Variants in TFDP2 observed in about 807,000 individuals in gnomAD.
The protein encoded by TFDP2 is transcription factor Dp-2.
In TFDP2, 17 loss-of-function variants were observed where a neutral mutation model predicts 59.3. That is an observed-to-expected ratio of 0.29 (90% CI 0.20 to 0.43). The LOEUF is 0.43. Among genes scored for constraint, TFDP2 ranks in the 20% least tolerant of loss-of-function variants. The probability of loss-of-function intolerance (pLI) is 1.00; values close to 1 mark genes in which losing one functional copy is unlikely to be tolerated. For synonymous variants in TFDP2, 180 were observed against 194.7 expected, an observed-to-expected ratio of 0.92 and a Z score of 0.63; for missense variants, 391 against 528.8, an observed-to-expected ratio of 0.74 and a Z score of 2.56.
At chr3:141,972,296 G>A (rs9849260) in intron 8 of TFDP2, among the ~76,000 whole-genome samples, 22,520 of 152,096 alleles carry the variant, frequency 0.15, 1,759 homozygotes, top group African/African-American at 0.19. Context: ...TCTCATGGCC[G>A]CTGCCGTAAC....
At chr3:142,140,750 T>C (rs2062919013) in intron 1 of TFDP2, among the ~76,000 whole-genome samples, 1 of 152,176 alleles carries the variant, frequency 6.6e-6, no homozygotes, top group Non-Finnish European at 1.5e-5. Context: ...ATCCTTCCTC[T>C]GGAAGCTTCG....
At chr3:142,003,646 GA>G (rs1218609396) in intron 4 of TFDP2, among the ~76,000 whole-genome samples, 1 of 152,142 alleles carries the variant, frequency 6.6e-6, no homozygotes, top group Non-Finnish European at 1.5e-5. Context: ...ACTCAGAACT[GA>G]AAAAAGGACC....
intron 1 of TFDP2, chr3:142,126,171 TTTTTC>T (rs1238673139): frequency 1.8e-4 from 27 of 150,424 alleles, no homozygotes; most frequent in African/African-American, 6.6e-4. Flanking sequence ...TCCCAGAATT[TTTTTC>T]TTTTCTTTTT....
chr3:142,131,244 G>A lies in TFDP2; in HGVS notation c.-93+17939C>T, dbSNP rs561417220. Among the ~76,000 whole-genome samples, 85 of 149,934 alleles carry A rather than the reference G, an allele frequency of 5.7e-4. 3 individuals are homozygous for A. The highest frequency in any genetic ancestry group is 1.3e-3 in the Admixed American group (20 of 15,186). ...ATTAAAGAAAGGTAGTATTTAGCAG[G>A]AAGACACAAATAGACAAAAATAATC... On this transcript the variant is annotated intron_variant, in intron 1 of 12. Coordinates refer to ENST00000489671, the MANE Select transcript of TFDP2 (RefSeq NM_001178139.2).
chr3:141,998,044 T>TC (rs2108219133), intron 4 of TFDP2, among the ~76,000 whole-genome samples: 2 of 152,194 alleles, frequency 1.3e-5, no homozygotes, highest in East Asian at 3.9e-4. Context: ...AACACTCTGC[T>TC]CCTTTCTCTT....
intron 10 of TFDP2, among the ~76,000 whole-genome samples, chr3:141,961,532 C>T (rs1937363459): frequency 1.3e-5 from 2 of 152,090 alleles, no homozygotes; most frequent in African/African-American, 2.4e-5. Flanking sequence ...TGTGAGCCAC[C>T]GTGCCCGGCC....
chr3:142,064,361 C>CTGG (rs1299623674), intron 3 of TFDP2, among the ~76,000 whole-genome samples: 8 of 152,134 alleles, frequency 5.3e-5, no homozygotes, highest in Non-Finnish European at 7.3e-5. Context: ...GAGGTGATGC[C>CTGG]TGGTAATCTT....
intron 1 of TFDP2, among the ~76,000 whole-genome samples, chr3:142,116,060 G>T (rs965394757): frequency 5.4e-5 from 8 of 149,518 alleles, no homozygotes; most frequent in Non-Finnish European, 1.2e-4. Context: ...TATTCATTTT[G>T]CAACTTTTTT....
intron 3 of TFDP2, among the ~76,000 whole-genome samples, chr3:142,022,710 C>G (rs1027750531): frequency 1.3e-5 from 2 of 152,086 alleles, no homozygotes; most frequent in Non-Finnish European, 2.9e-5. Context: ...GCTCACAGTC[C>G]GAGAGGGTAG....
At chr3:142,007,071 G>T (rs933624833) in intron 3 of TFDP2, among the ~76,000 whole-genome samples, 5 of 152,152 alleles carry the variant, frequency 3.3e-5, no homozygotes, top group African/African-American at 1.2e-4. Context: ...ACCACGCCTG[G>T]CCCTAAATGA....
intron 3 of TFDP2, among the ~76,000 whole-genome samples, chr3:142,021,691 T>A (rs1415846345): frequency 6.6e-6 from 1 of 152,188 alleles, no homozygotes; most frequent in African/African-American, 2.4e-5. Flanking sequence ...GAGAAAAACA[T>A]TTTTTCTTCT....
intron 3 of TFDP2, among the ~76,000 whole-genome samples, chr3:142,079,485 TA>T (rs2108576687): frequency 6.6e-6 from 1 of 152,220 alleles, no homozygotes; most frequent in South Asian, 2.1e-4. Flanking sequence ...TTCAAAGAGA[TA>T]ATACCAGCAA....
chr3:142,127,896 G>A (rs1457770640), intron 1 of TFDP2, among the ~76,000 whole-genome samples: 1 of 152,172 alleles, frequency 6.6e-6, no homozygotes, highest in East Asian at 1.9e-4. Flanking sequence ...CTTAACCCAT[G>A]TAGCTAAGAA....
At chr3:142,086,836 G>C (rs1437288851) in intron 3 of TFDP2, among the ~76,000 whole-genome samples, 1 of 152,130 alleles carries the variant, frequency 6.6e-6, no homozygotes, top group Non-Finnish European at 1.5e-5. Context: ...TTATCTTTCT[G>C]GTGACTAGCC....
intron 1 of TFDP2, among the ~76,000 whole-genome samples, chr3:142,140,764 CA>C (rs1356741635): frequency 5.3e-5 from 8 of 152,154 alleles, no homozygotes; most frequent in Non-Finnish European, 8.8e-5. Context: ...AGCTTCGTCC[CA>C]GGGGGGCACC....
chr3:142,113,361 C>A (rs866849070), intron 1 of TFDP2, among the ~76,000 whole-genome samples: 1 of 151,864 alleles, frequency 6.6e-6, no homozygotes, highest in African/African-American at 2.4e-5. Flanking sequence ...CGGGTTCAAG[C>A]GATTCTCCTG....
intron 11 of TFDP2, among the ~76,000 whole-genome samples, chr3:141,957,457 C>T (rs1205730114): frequency 1.3e-5 from 2 of 152,106 alleles, no homozygotes; most frequent in African/African-American, 4.8e-5. Context: ...AGCAATTTCA[C>T]TCGTAGGTAT....
intron 9 of TFDP2, among the ~76,000 whole-genome samples, chr3:141,968,254 T>A (rs1343584125): frequency 7.2e-6 from 1 of 138,272 alleles, no homozygotes; most frequent in Non-Finnish European, 1.5e-5. Context: ...TTATATATTA[T>A]ATATTATATA....
At chr3:142,043,032 G>A (rs1186745923) in intron 3 of TFDP2, among the ~76,000 whole-genome samples, 2 of 150,062 alleles carry the variant, frequency 1.3e-5, no homozygotes, top group Admixed American at 6.6e-5. Flanking sequence ...GTGAGCCACC[G>A]TGCCCGGCGA....
Sources: gnomAD v4.1 joint callset for allele counts (sites outside exome capture counted in the v4.1 genomes callset) on GRCh38, gnomAD v4.1.1 for gene constraint, MANE v1.5 for transcripts, NCBI Gene and HGNC (gene_info 2026-07-23, HGNC 2026-07-21) for gene names.